The following CDH13 variants were observed in gnomAD, a reference collection of about 807,000 sequenced individuals.
CDH13 encodes cadherin-13.
CDH13 carries 24 observed loss-of-function variants against 63.8 expected under a neutral mutation model. That is an observed-to-expected ratio of 0.38 (90% CI 0.27 to 0.53). CDH13 has a LOEUF of 0.53. Among genes scored for constraint, CDH13 ranks in the 20% least tolerant of loss-of-function variants. The pLI is 0.85. For synonymous variants in CDH13, 503 were observed against 355.3 expected (o/e 1.42, Z -4.67); for missense variants, 1,049 against 903.1 (o/e 1.16, Z -2.07).
At chr16:82,720,714 A>C (rs1409734579) in intron 1 of CDH13, among the ~76,000 whole-genome samples, 1 of 152,070 alleles carries the variant, frequency 6.6e-6, no homozygotes, top group African/African-American at 2.4e-5. Context: ...ATAAAACAAC[A>C]TTGAAGAAAA....
chr16:83,146,606 T>C (rs982849169), intron 4 of CDH13, among the ~76,000 whole-genome samples: 2 of 152,238 alleles, frequency 1.3e-5, no homozygotes, highest in African/African-American at 4.8e-5. Flanking sequence ...TTTGAGCAGT[T>C]ATATGTGTAT....
In CDH13 at chr16:83,700,689, C is replaced by G. The variant is rs374496057; in HGVS notation, c.1538+22228C>G. On this transcript the variant is annotated intron_variant, in intron 10 of 13. Transcript: ENST00000567109. ...TTTTATGAGCAATGCATGCTCGTCA[C>G]AAAAAAATTAACAAACATGGAGCAG... Among the ~76,000 whole-genome samples the G allele has an allele frequency of 5.9e-5, 9 of 152,186 alleles. No individual in the cohort carries two copies. In the East Asian group the frequency reaches 1.2e-3, roughly 20 times the overall value.
intron 2 of CDH13, among the ~76,000 whole-genome samples, chr16:82,998,650 A>T (rs995931943): frequency 1.3e-5 from 2 of 152,298 alleles, no homozygotes; most frequent in South Asian, 4.1e-4. Context: ...CTCCTCTGCT[A>T]TGAATTAGCA....
intron 8 of CDH13, among the ~76,000 whole-genome samples, chr16:83,625,640 G>A (rs542216805): frequency 1.3e-5 from 2 of 152,118 alleles, no homozygotes; most frequent in Non-Finnish European, 2.9e-5. Context: ...TTTTGGCTTC[G>A]AAAAAGTGGT....
chr16:82,798,634 G>T (rs1328814034), intron 1 of CDH13, among the ~76,000 whole-genome samples: 1 of 152,094 alleles, frequency 6.6e-6, no homozygotes, highest in African/African-American at 2.4e-5. Flanking sequence ...CTAGGATAGG[G>T]GTTACAAGCA....
intron 8 of CDH13, among the ~76,000 whole-genome samples, chr16:83,604,036 C>T (rs1180277006): frequency 6.6e-6 from 1 of 152,038 alleles, no homozygotes; most frequent in East Asian, 1.9e-4. Context: ...AGAAAGCACT[C>T]CCGTGATCCA....
chr16:83,314,650 A>G (rs6563892), intron 5 of CDH13, among the ~76,000 whole-genome samples: 94,478 of 152,046 alleles, frequency 0.62, 30,052 homozygotes, highest in Middle Eastern at 0.73. Context: ...CATCTCTTCC[A>G]ACACAAGAAA....
At chr16:82,810,876 AG>A (rs61633096) in intron 1 of CDH13, among the ~76,000 whole-genome samples, 23,505 of 151,804 alleles carry the variant, frequency 0.15, 1,945 homozygotes, top group Admixed American at 0.2. Flanking sequence ...ATTGTGAGTC[AG>A]GGGGAAATGG....
At chr16:83,334,821 G>C (rs567215464) in intron 5 of CDH13, among the ~76,000 whole-genome samples, 3 of 152,276 alleles carry the variant, frequency 2.0e-5, no homozygotes, top group South Asian at 2.1e-4. Flanking sequence ...CTAAATTTTA[G>C]AAAGGATATG....
chr16:83,255,060 C>G (rs923644615), intron 5 of CDH13, among the ~76,000 whole-genome samples: 1 of 150,630 alleles, frequency 6.6e-6, no homozygotes, highest in African/African-American at 2.5e-5. Context: ...GCTTCTTTGC[C>G]CAAGGTGTCT....
intron 1 of CDH13, among the ~76,000 whole-genome samples, chr16:82,839,700 C>T (rs1298099615): frequency 6.6e-6 from 1 of 152,174 alleles, no homozygotes; most frequent in Non-Finnish European, 1.5e-5. Flanking sequence ...CTTATTTGCC[C>T]TTGGAACAAA....
chr16:82,699,634 C>T (rs921185620), intron 1 of CDH13, among the ~76,000 whole-genome samples: 3 of 152,210 alleles, frequency 2.0e-5, no homozygotes, highest in African/African-American at 7.2e-5. Context: ...GTGATTATGA[C>T]ATTTCTGCTG....
intron 3 of CDH13, among the ~76,000 whole-genome samples, chr16:83,048,747 A>G (rs1220675581): frequency 1.3e-5 from 2 of 151,756 alleles, no homozygotes; most frequent in African/African-American, 2.4e-5. Context: ...CTCTTTCTTC[A>G]TTTCGCATTT....
rs572480140 is a variant in CDH13 at position 83,523,306 on chromosome 16, C to T, written c.960+36651C>T. ...GCATTTTTGAATAAATAAATGAGTG[C>T]ATGGATGGAAGAAAGCAAGGTTGTC... On this transcript the variant is annotated intron_variant, in intron 7 of 13. Coordinates refer to ENST00000567109, the MANE Select transcript of CDH13 (RefSeq NM_001257.5). Among the ~76,000 whole-genome samples, 96 of 152,306 alleles carry T rather than the reference C, an allele frequency of 6.3e-4. 2 individuals are homozygous for T. Among genetic ancestry groups the T allele is most frequent in the Admixed American group, 6.2e-3 (95 of 15,306 alleles).
At chr16:83,572,726 G>A (rs1403831171) in intron 7 of CDH13, among the ~76,000 whole-genome samples, 1 of 152,168 alleles carries the variant, frequency 6.6e-6, no homozygotes, top group Non-Finnish European at 1.5e-5. Context: ...TGGCATTCGT[G>A]ATTTAGAAGA....
intron 10 of CDH13, among the ~76,000 whole-genome samples, chr16:83,740,788 T>C (rs1033112547): frequency 8.5e-5 from 13 of 152,148 alleles, no homozygotes; most frequent in Non-Finnish European, 1.2e-4. Flanking sequence ...GCAAGAAGTA[T>C]CCCATCCTCC....
intron 1 of CDH13, among the ~76,000 whole-genome samples, chr16:82,703,943 A>C (rs910305625): frequency 6.6e-6 from 1 of 152,150 alleles, no homozygotes; most frequent in African/African-American, 2.4e-5. Context: ...ACTCCTTTGC[A>C]TTCAGCTTTG....
At chr16:82,941,287 C>T (rs745776188) in intron 2 of CDH13, among the ~76,000 whole-genome samples, 1 of 152,224 alleles carries the variant, frequency 6.6e-6, no homozygotes, top group Non-Finnish European at 1.5e-5. Flanking sequence ...ATGTTAACTG[C>T]ATGCCAACTG....
At chr16:83,352,299 T>G (rs2090969061) in intron 6 of CDH13, among the ~76,000 whole-genome samples, 1 of 152,224 alleles carries the variant, frequency 6.6e-6, no homozygotes, top group African/African-American at 2.4e-5. Flanking sequence ...AAGTATTATC[T>G]GAACTTCACT....
Sources: gnomAD v4.1 joint callset for allele counts (sites outside exome capture counted in the v4.1 genomes callset) on GRCh38, gnomAD v4.1.1 for gene constraint, MANE v1.5 for transcripts, NCBI Gene and HGNC (gene_info 2026-07-23, HGNC 2026-07-21) for gene names.